ACO1: variants seen among roughly 807,000 people sequenced by gnomAD.
ACO1 encodes cytoplasmic aconitate hydratase.
ACO1 carries 78 observed loss-of-function variants against 105.1 expected under a neutral mutation model. The ratio of observed to expected loss-of-function variants is 0.74; its 90% CI spans 0.62 to 0.90. The LOEUF (loss-of-function observed/expected upper bound fraction) is 0.90. Among genes scored for constraint, ACO1 ranks in the 40% least tolerant of loss-of-function variants. The pLI is 0.00. For synonymous variants in ACO1, 364 were observed against 397.4 expected, an observed-to-expected ratio of 0.92 and a Z score of 1.00; for missense variants, 965 against 1,111.1, an observed-to-expected ratio of 0.87 and a Z score of 1.87.
chr9:32,450,065 T>A lies in ACO1; in HGVS notation c.2624T>A (p.Leu875His), dbSNP rs1822724100. 6.2e-7 allele frequency: 1 copy of A among 1,613,820 alleles called. No individual in the cohort carries two copies. The highest frequency in any genetic ancestry group is 8.5e-7 in the Non-Finnish European group (1 of 1,179,970). The change falls in exon 21 of 21, where the codon CTC becomes CAC. Residue 875 changes from leucine (L) to histidine (H), a missense_variant. Transcript: ENST00000309951. The part of the protein sequence containing the change: ...FDTDVELTYF[L>H]NGGILNYMIR... ...ACTGATGTGGAGCTCACTTATTTCCTCAACGGGGGCATCCTCAACTACATG... is the reference window on the plus strand; with the variant it reads ...ACTGATGTGGAGCTCACTTATTTCCACAACGGGGGCATCCTCAACTACATG...
rs1027323252 is a variant in ACO1, at chr9:32,426,103, C to T, written c.1348+106C>T. ...GGAGTTGTACATGTAGTTCCCTGAA[C>T]CTCGTCTTTTCCAGATACAGATATT... On this transcript the variant is annotated intron_variant, in intron 11 of 20. Coordinates refer to ENST00000309951, the MANE Select transcript of ACO1 (RefSeq NM_002197.3). 9 of 1,154,770 alleles carry T rather than the reference C, an allele frequency of 7.8e-6. No homozygotes were observed. In the African/African-American group the frequency reaches 1.1e-4, roughly 14 times the overall value. 71.5% of individuals were successfully genotyped at this position (1,154,770 alleles called of 1,614,324 possible).
intron 19 of ACO1, among the ~76,000 whole-genome samples, chr9:32,441,543 GA>G (rs1470371548): frequency 6.6e-6 from 1 of 152,188 alleles, no homozygotes; most frequent in Non-Finnish European, 1.5e-5. Context: ...TTGCTCTGAG[GA>G]AAATAGAAAT....
Position 32,434,427 on chromosome 9 carries a change from C to T in ACO1, c.1957-132C>T, listed in dbSNP as rs1173768204. 3 of 1,017,214 alleles carry T rather than the reference C, an allele frequency of 2.9e-6. 1 individual carries two copies. Among genetic ancestry groups the T allele is most frequent in the South Asian group, 3.5e-5 (2 of 56,348 alleles). The allele number at this position is 1,017,214 out of a possible 1,614,324, so 63.0% of individuals were successfully genotyped here. A position where few individuals can be genotyped will look rare whatever the true frequency, so the allele number is the denominator to read the frequency against. On this transcript the variant is annotated intron_variant, in intron 16 of 20. Coordinates refer to ENST00000309951, the MANE Select transcript of ACO1 (RefSeq NM_002197.3). ...TTGGCCTCTTTGATAAAAACTAGAA[C>T]ACTAGAATTTTCTGTGCATTGGTGT...
intron 19 of ACO1, among the ~76,000 whole-genome samples, chr9:32,446,913 TCTC>T (rs947456746): frequency 6.6e-6 from 1 of 152,182 alleles, no homozygotes; most frequent in African/African-American, 2.4e-5. Flanking sequence ...TGGCCCCCAT[TCTC>T]CTCTGGCTTG....
At chr9:32,397,802 A>C (rs1821403311) in intron 1 of ACO1, among the ~76,000 whole-genome samples, 1 of 152,182 alleles carries the variant, frequency 6.6e-6, no homozygotes, top group African/African-American at 2.4e-5. Context: ...AGAAGGGCAA[A>C]CCACATAAAA....
chr9:32,406,395 G>A (rs998566074), intron 2 of ACO1, among the ~76,000 whole-genome samples: 6 of 152,170 alleles, frequency 3.9e-5, no homozygotes, highest in African/African-American at 1.4e-4. Flanking sequence ...GCCAAAGCAG[G>A]CAATTGATTG....
chr9:32,419,612 C>T (rs1218738074), intron 7 of ACO1, among the ~76,000 whole-genome samples: 3 of 152,254 alleles, frequency 2.0e-5, no homozygotes, highest in Non-Finnish European at 2.9e-5. Context: ...AAGAATCATT[C>T]CCATGCATGT....
intron 1 of ACO1, among the ~76,000 whole-genome samples, chr9:32,401,853 G>T (rs970109623): frequency 6.6e-6 from 1 of 152,146 alleles, no homozygotes; most frequent in Non-Finnish European, 1.5e-5. Context: ...GCCCACCCCC[G>T]TTCTTGCATG....
At chr9:32,424,081 C>T (rs569743879) in intron 9 of ACO1, among the ~76,000 whole-genome samples, 1 of 152,272 alleles carries the variant, frequency 6.6e-6, no homozygotes, top group African/African-American at 2.4e-5. Flanking sequence ...TTTCTTAATA[C>T]ATTGAGGAGG....
In ACO1 at chr9:32,450,300, TAATCATCTTCTCTTTTTCCAG is replaced by T; in HGVS notation, c.*193_*213del. The T allele has an allele frequency of 4.4e-6, 3 of 686,738 alleles. No individual in the cohort carries two copies. The highest frequency in any genetic ancestry group is 5.4e-6 in the Non-Finnish European group (2 of 370,450). The allele number at this position is 686,738 out of a possible 1,614,324, so 42.5% of individuals were successfully genotyped here. A position where few individuals can be genotyped will look rare whatever the true frequency, so the allele number is the denominator to read the frequency against. On this transcript the variant is annotated 3_prime_UTR_variant, in exon 21 of 21. Coordinates refer to ENST00000309951, the MANE Select transcript of ACO1 (RefSeq NM_002197.3). ...AAGTTTCTACATTCTCTATTTTTGTTAATCATCTTCTCTTTTTCCAGAATTTGGAAGCTAGAATGGTGGGAA... is the reference window on the plus strand; with the variant it reads ...AAGTTTCTACATTCTCTATTTTTGTTAATTTGGAAGCTAGAATGGTGGGAA...
chr9:32,405,477 C>G lies in ACO1; in HGVS notation c.-22-8C>G, dbSNP rs1283295096. On this transcript the variant is annotated splice_region_variant and splice_polypyrimidine_tract_variant and intron_variant, in intron 1 of 20. Transcript: ENST00000309951. ...AAAAAGAATTTAAATGTTCTCTTTT[C>G]TTTTCAGGAACACGTGGCCATCAGT... 5 of 1,530,076 alleles carry G rather than the reference C, an allele frequency of 3.3e-6. No homozygotes were observed. Among genetic ancestry groups the G allele is most frequent in the Non-Finnish European group, 4.5e-6 (5 of 1,105,140 alleles). The allele number at this position is 1,530,076 out of a possible 1,614,324, so 94.8% of individuals were successfully genotyped here. A position where few individuals can be genotyped will look rare whatever the true frequency, so the allele number is the denominator to read the frequency against.
At chr9:32,437,212 AC>A (rs1822380962) in intron 18 of ACO1, among the ~76,000 whole-genome samples, 1 of 152,146 alleles carries the variant, frequency 6.6e-6, no homozygotes, top group African/African-American at 2.4e-5. Flanking sequence ...GCTCATAACA[AC>A]CCCTTGAGGT....
intron 11 of ACO1, among the ~76,000 whole-genome samples, 195 bp from the exon 12 acceptor site, chr9:32,427,106 C>A (rs1191414413): frequency 2.0e-5 from 3 of 152,130 alleles, no homozygotes; most frequent in African/African-American, 4.8e-5. Context: ...CTGCATATAT[C>A]TAAATGACCG....
Position 32,407,282 on chromosome 9 carries a change from G to T in ACO1, c.119G>T (p.Arg40Ile). Reference sequence around the variant, plus strand: ...TTAGGGCGCTTACCATTTTCGATCAGAGTTCTTCTGGAAGCAGCCATTCGG... The same window carrying T: ...TTAGGGCGCTTACCATTTTCGATCATAGTTCTTCTGGAAGCAGCCATTCGG... ...SRYGRLPFSIRVLLEAAIRNC... is the reference protein window; with the variant it reads ...SRYGRLPFSIIVLLEAAIRNC... Residue 40 changes from arginine to isoleucine, a missense_variant, in exon 3 of 21, where the codon AGA (arginine) becomes ATA (isoleucine). Transcript: ENST00000309951. The T allele has an allele frequency of 6.2e-7, 1 of 1,614,064 alleles. No individual in the cohort carries two copies. The highest frequency in any genetic ancestry group is 8.5e-7 in the Non-Finnish European group (1 of 1,180,004).
chr9:32,413,670 G>A (rs1203948479), intron 4 of ACO1, among the ~76,000 whole-genome samples: 1 of 152,124 alleles, frequency 6.6e-6, no homozygotes, highest in Non-Finnish European at 1.5e-5. Context: ...TTCTGGAAAT[G>A]AGTGAGAAAA....
At chr9:32,447,670 G>C (rs79433222) in intron 19 of ACO1, among the ~76,000 whole-genome samples, 6,747 of 152,216 alleles carry the variant, frequency 0.044, 474 homozygotes, top group African/African-American at 0.15. Flanking sequence ...AATGTTCAGC[G>C]TTTTTGTGCT....
chr9:32,422,158 A>G (rs1821989746), intron 8 of ACO1, among the ~76,000 whole-genome samples: 1 of 152,230 alleles, frequency 6.6e-6, no homozygotes, highest in African/African-American at 2.4e-5. Flanking sequence ...AGATGGATCT[A>G]GAGGGAAGGT....
chr9:32,433,090 A>G (rs1247595284), intron 15 of ACO1, among the ~76,000 whole-genome samples: 1 of 152,200 alleles, frequency 6.6e-6, no homozygotes, highest in East Asian at 1.9e-4. Flanking sequence ...GAGAGTCAGA[A>G]GGCAGGTCTC....
At chr9:32,447,193 T>TC (rs1321153890) in intron 19 of ACO1, among the ~76,000 whole-genome samples, 1 of 152,254 alleles carries the variant, frequency 6.6e-6, no homozygotes, top group Non-Finnish European at 1.5e-5. Flanking sequence ...CCTGTCACTT[T>TC]CAAGTACACC....
Sources: allele counts gnomAD v4.1 joint callset (sites outside exome capture counted in the v4.1 genomes callset), GRCh38; gene constraint gnomAD v4.1.1; transcripts MANE v1.5; gene names NCBI Gene and HGNC (gene_info 2026-07-23, HGNC 2026-07-21).